Variants in FBRSL1 observed in about 807,000 individuals in gnomAD.
FBRSL1 encodes the protein fibrosin like 1, also known as fibrosin-1-like protein.
Under a neutral mutation model 89.6 loss-of-function variants are expected in FBRSL1, and 51 were observed. That is an observed-to-expected ratio of 0.57 (90% CI 0.45 to 0.72). FBRSL1 has a LOEUF of 0.72. FBRSL1 is among the 30% of genes least tolerant of loss of function. The pLI is 0.00. For missense variants in FBRSL1, 1,618 were observed against 1,451.8 expected (o/e 1.11, Z -1.86); for synonymous variants, 779 against 681.1 (o/e 1.14, Z -2.24).
chr12:132,582,417 T>TG (rs2040833715), intron 18 of FBRSL1, 151 bp downstream of exon 18: 2 of 571,528 alleles, frequency 3.5e-6, no homozygotes, highest in Non-Finnish European at 6.4e-6. Context: ...CCTTCCCCGT[T>TG]CCCCCTCCCC....
At position 132,584,371 on chromosome 12, in the gene FBRSL1, GTAAA is replaced by G; in HGVS notation, c.*596_*599del. ...GTTTTTTTAAAAGCAAACGAAACGT[GTAAA>G]TAGTCTGTTGATATAAATATATGAC... is the stretch of plus-strand genomic sequence containing the variant. On this transcript the variant is annotated 3_prime_UTR_variant, in exon 19 of 19. Coordinates refer to ENST00000680143, the MANE Select transcript of FBRSL1 (RefSeq NM_001367871.1). 1 of 152,278 alleles carries G rather than the reference GTAAA, an allele frequency of 6.6e-6. No homozygotes were observed. The highest frequency in any genetic ancestry group is 2.4e-5 in the African/African-American group (1 of 41,538). 9.4% of individuals were successfully genotyped at this position (152,278 alleles called of 1,614,324 possible). A position where few individuals can be genotyped will look rare whatever the true frequency, so the allele number is the denominator to read the frequency against.
At chr12:132,563,795 ACCCCCGTCGCCCCTGAACCCCCGAGC>A (rs1286306020) in intron 5 of FBRSL1, among the ~76,000 whole-genome samples, 12 of 36,200 alleles carry the variant, frequency 3.3e-4, no homozygotes, top group Non-Finnish European at 4.9e-4. Context: ...CTGTACACTC[ACCCCCGTCGCCCCTGAACCCCCGAGC>A]TTGTGTGCAC....
At chr12:132,529,732 A>ACCCCCCTGGGCTCTTCTCTG (rs2036105778) in intron 4 of FBRSL1, among the ~76,000 whole-genome samples, 4 of 142,144 alleles carry the variant, frequency 2.8e-5, no homozygotes, top group East Asian at 2.1e-4. Flanking sequence ...CCTGGGCTCT[A>ACCCCCCTGGGCTCTTCTCTG]CCACCCTGGG....
chr12:132,566,162 C>T lies in FBRSL1; in HGVS notation c.646-1319C>T, dbSNP rs1446303792. On this transcript the variant is annotated intron_variant, in intron 5 of 18. Transcript: ENST00000680143. ...CAAGCAGGTCAAGGCATGGCAGAGT[C>T]CCTGTGAGGGCTTCCTGGTCCATAG... The T allele has an allele frequency of 3.9e-5, 6 of 152,098 alleles. No homozygotes were observed. The East Asian group carries it at 9.7e-4, about 25-fold the overall frequency. The allele number at this position is 152,098 out of a possible 1,614,324, so 9.4% of individuals were successfully genotyped here.
At chr12:132,541,911 G>A (rs574495773) in intron 4 of FBRSL1, among the ~76,000 whole-genome samples, 73 of 152,228 alleles carry the variant, frequency 4.8e-4, no homozygotes, top group African/African-American at 1.7e-3. Flanking sequence ...CCACCACCCC[G>A]AACCATCCGG....
chr12:132,536,789 G>A (rs911463910), intron 4 of FBRSL1, among the ~76,000 whole-genome samples: 6 of 152,214 alleles, frequency 3.9e-5, no homozygotes, highest in African/African-American at 1.4e-4. Flanking sequence ...ACATGTGTAT[G>A]TGAAAGTGTA....
chr12:132,490,276 C>T lies in FBRSL1; in HGVS notation c.-295C>T, dbSNP rs2030619825. ...CGCCCGCTCGGCCCGATCGCCGCGC[C>T]GCGCGCATGGGGCGCGCCCCCGGGG... On this transcript the variant is annotated 5_prime_UTR_variant, in exon 1 of 19. Transcript: ENST00000680143. 7.0e-6 allele frequency: 1 copy of T among 142,398 alleles called. No homozygotes were observed. The highest frequency in any genetic ancestry group is 2.2e-4 in the East Asian group (1 of 4,648). 8.8% of individuals were successfully genotyped at this position (142,398 alleles called of 1,614,324 possible). A position where few individuals can be genotyped will look rare whatever the true frequency, so the allele number is the denominator to read the frequency against.
chr12:132,508,265 G>T lies in FBRSL1; in HGVS notation c.404G>T (p.Arg135Leu). 6.4e-7 allele frequency: 1 copy of T among 1,550,674 alleles called. No individual in the cohort carries two copies. The change falls in exon 2 of 19, where the codon CGG (arginine) becomes CTG (leucine). Residue 135 changes from arginine to leucine, a missense_variant. Coordinates refer to ENST00000680143, the MANE Select transcript of FBRSL1 (RefSeq NM_001367871.1). ...CPPAEPSENR[R>L]PLEAGSPGQD... ...CCTGCGGAGCCCAGTGAGAACAGGC[G>T]GCCCCTGGAGGCAGGCAGCCCCGGG...
At chr12:132,497,202 C>T (rs2032182040) in intron 1 of FBRSL1, among the ~76,000 whole-genome samples, 3 of 152,196 alleles carry the variant, frequency 2.0e-5, no homozygotes, top group African/African-American at 4.8e-5. Flanking sequence ...ATACTCGGGT[C>T]CCAGCACTCC....
intron 5 of FBRSL1, among the ~76,000 whole-genome samples, chr12:132,549,365 CCCGCGTGGCT>C (rs934584716): frequency 1.7e-4 from 26 of 152,200 alleles, no homozygotes; most frequent in Non-Finnish European, 1.5e-5. Flanking sequence ...CACCCGGGAC[CCCGCGTGGCT>C]CCGCGTGGCC....
intron 1 of FBRSL1, among the ~76,000 whole-genome samples, chr12:132,498,086 A>G (rs1020128497): frequency 5.3e-5 from 8 of 152,144 alleles, no homozygotes; most frequent in African/African-American, 1.9e-4. Context: ...GAGCTGGCCC[A>G]CAGGGCCTCT....
rs117492885 is a variant in FBRSL1, at chr12:132,548,348, T to C, written c.645+316T>C. The stretch of plus-strand genomic sequence containing the variant: ...TGGGGTCGAGCACATCAGCTCCAGC[T>C]CCTGGGCAGCAGAGGGCAGCTGGGC... On this transcript the variant is annotated intron_variant, in intron 5 of 18. Transcript: ENST00000680143. 3.0e-4 allele frequency among the ~76,000 whole-genome samples: 45 copies of C among 152,172 alleles called. No individual in the cohort carries two copies. In the East Asian group the frequency reaches 8.5e-3, roughly 29 times the overall value.
chr12:132,570,104 ACCCCCCGCCCCGCAC>A lies in FBRSL1; in HGVS notation c.872_886del (p.Pro291_His295del). 1.4e-6 allele frequency: 2 copies of A among 1,479,220 alleles called. No individual in the cohort carries two copies. The highest frequency in any genetic ancestry group is 1.8e-6 in the Non-Finnish European group (2 of 1,122,458). 91.6% of individuals were successfully genotyped at this position (1,479,220 alleles called of 1,614,324 possible). A position where few individuals can be genotyped will look rare whatever the true frequency, so the allele number is the denominator to read the frequency against. On this transcript the variant is annotated inframe_deletion, in exon 7 of 19. Coordinates refer to ENST00000680143, the MANE Select transcript of FBRSL1 (RefSeq NM_001367871.1). ...GCGCCAATCCCTTGGTGAAGAAGGA[ACCCCCCGCCCCGCAC>A]CGCCACACCCCGCAGCCGCCACCCC...
At chr12:132,562,074 C>T (rs1379013157) in intron 5 of FBRSL1, among the ~76,000 whole-genome samples, 2 of 152,322 alleles carry the variant, frequency 1.3e-5, no homozygotes, top group East Asian at 1.9e-4. Context: ...TTCACTATTC[C>T]TCCTGTTTCT....
chr12:132,491,476 G>T (rs551293836), intron 1 of FBRSL1, among the ~76,000 whole-genome samples: 1 of 152,262 alleles, frequency 6.6e-6, no homozygotes, highest in African/African-American at 2.4e-5. Flanking sequence ...TGCTGTCTGA[G>T]AGTTGGGGCA....
At chr12:132,507,773 T>C (rs977247978) in intron 1 of FBRSL1, among the ~76,000 whole-genome samples, 1 of 152,076 alleles carries the variant, frequency 6.6e-6, no homozygotes, top group Admixed American at 6.5e-5. Flanking sequence ...GAGGCTCCTG[T>C]GGTCCCTGGC....
intron 1 of FBRSL1, among the ~76,000 whole-genome samples, chr12:132,500,331 A>G (rs2032765500): frequency 6.6e-6 from 1 of 152,174 alleles, no homozygotes; most frequent in South Asian, 2.1e-4. Flanking sequence ...CATGCTGCAC[A>G]TGAGGAACCT....
chr12:132,498,914 CA>C (rs1442994685), intron 1 of FBRSL1, among the ~76,000 whole-genome samples: 1 of 152,262 alleles, frequency 6.6e-6, no homozygotes, highest in East Asian at 1.9e-4. Context: ...GAGAGGCCGA[CA>C]ACCCCAGCCA....
At chr12:132,514,040 G>A (rs924275745) in intron 2 of FBRSL1, among the ~76,000 whole-genome samples, 1 of 152,214 alleles carries the variant, frequency 6.6e-6, no homozygotes, top group Non-Finnish European at 1.5e-5. Flanking sequence ...CCTGCGTGTT[G>A]GAAACACCAC....
Sources: gnomAD v4.1 joint callset for allele counts (sites outside exome capture counted in the v4.1 genomes callset) on GRCh38, gnomAD v4.1.1 for gene constraint, MANE v1.5 for transcripts, NCBI Gene and HGNC (gene_info 2026-07-23, HGNC 2026-07-21) for gene names.